The following PRPF19 variants were observed in gnomAD, a reference collection of about 807,000 sequenced individuals.
PRPF19 encodes pre-mRNA-processing factor 19.
In PRPF19, 2 loss-of-function variants were observed where a neutral mutation model predicts 64.2. That is an observed-to-expected ratio of 0.03 (90% CI 0.01 to 0.10). PRPF19 has a LOEUF of 0.10. Ranked by LOEUF, PRPF19 falls within the 10% of genes least tolerant of loss-of-function variation. The pLI is 1.00. For synonymous variants in PRPF19, 226 were observed against 251.6 expected (o/e 0.90, Z 0.96); for missense variants, 314 against 650.0 (o/e 0.48, Z 5.62).
chr11:60,895,330 T>C (rs1385156211), intron 15 of PRPF19, among the ~76,000 whole-genome samples: 1 of 152,258 alleles, frequency 6.6e-6, no homozygotes, highest in Non-Finnish European at 1.5e-5. Context: ...CTTGTACTTT[T>C]CTGTTATGGA....
chr11:60,892,529 T>C (rs1165864665), intron 15 of PRPF19, among the ~76,000 whole-genome samples: 1 of 152,206 alleles, frequency 6.6e-6, no homozygotes, highest in Non-Finnish European at 1.5e-5. Flanking sequence ...GGCTCCATCG[T>C]ATATCAAGGA....
chr11:60,906,030 T>C (rs967674573), intron 1 of PRPF19, among the ~76,000 whole-genome samples: 3 of 152,266 alleles, frequency 2.0e-5, no homozygotes, highest in African/African-American at 7.2e-5. Context: ...AGGCGGACCC[T>C]GGACAAGACC....
intron 15 of PRPF19, among the ~76,000 whole-genome samples, chr11:60,893,883 C>T (rs961336165): frequency 1.3e-5 from 2 of 152,142 alleles, no homozygotes; most frequent in Non-Finnish European, 2.9e-5. Context: ...CGTGCCACTG[C>T]ACTCCAGCCT....
Position 60,902,395 on chromosome 11 carries a change from G to A in PRPF19, c.525+8C>T. 1 of 1,613,250 alleles carries A rather than the reference G, an allele frequency of 6.2e-7. No individual in the cohort carries two copies. Among genetic ancestry groups the A allele is most frequent in the Non-Finnish European group, 8.5e-7 (1 of 1,179,416 alleles). On this transcript the variant is annotated splice_region_variant and intron_variant, in intron 6 of 15. Transcript: ENST00000227524. The surrounding 1 kb of genome is among the most constrained non-coding windows in gnomAD (Gnocchi z 5.0). ...TCAGCACTCCCACCAGGTGAGAGCA[G>A]GACTTACCTTCTGAATAATCTCTGG...
At chr11:60,904,204 A>T (rs1468150251) in intron 1 of PRPF19, among the ~76,000 whole-genome samples, 2 of 152,242 alleles carry the variant, frequency 1.3e-5, no homozygotes, top group Non-Finnish European at 2.9e-5. Flanking sequence ...CTCTATGAAT[A>T]CAGTTTACTC....
chr11:60,896,164 A>G (rs1855918471), intron 15 of PRPF19, among the ~76,000 whole-genome samples: 1 of 152,224 alleles, frequency 6.6e-6, no homozygotes, highest in Non-Finnish European at 1.5e-5. Flanking sequence ...GCTAAGTGCA[A>G]TAAGACAAGG....
intron 15 of PRPF19, among the ~76,000 whole-genome samples, chr11:60,891,788 C>G (rs935941857): frequency 3.3e-5 from 5 of 152,146 alleles, no homozygotes; most frequent in African/African-American, 9.7e-5. Context: ...AACCAACTCC[C>G]CATTAAAAAG....
intron 15 of PRPF19, among the ~76,000 whole-genome samples, chr11:60,895,166 C>T (rs1218419103): frequency 6.6e-6 from 1 of 152,226 alleles, no homozygotes; most frequent in Non-Finnish European, 1.5e-5. Context: ...TGACTTCTCT[C>T]TAGCTGTGCA....
intron 10 of PRPF19, among the ~76,000 whole-genome samples, chr11:60,900,289 A>G (rs1055008463): frequency 6.6e-6 from 1 of 152,230 alleles, no homozygotes; most frequent in Non-Finnish European, 1.5e-5. Context: ...TCTGTAGTTT[A>G]TATTAGGAAC....
intron 10 of PRPF19, 70 bp downstream of exon 10, chr11:60,900,512 C>T (rs1855972318): frequency 1.4e-5 from 17 of 1,244,222 alleles, no homozygotes; most frequent in Non-Finnish European, 1.8e-5. Flanking sequence ...TTCACAGAGA[C>T]AGCAGCGGGG....
In PRPF19 at chr11:60,904,590, G is replaced by A. The variant is rs146113720; in HGVS notation, c.20-729C>T. On this transcript the variant is annotated intron_variant, in intron 1 of 15. Transcript: ENST00000227524. Reference sequence around the variant, plus strand: ...TTTTGGGTTCAATTAATTTGCAACAGTGACTCAAACAATTGTGGGAAACAC... The same window carrying A: ...TTTTGGGTTCAATTAATTTGCAACAATGACTCAAACAATTGTGGGAAACAC... 3.1e-3 allele frequency among the ~76,000 whole-genome samples: 473 copies of A among 152,304 alleles called. 2 individuals carry two copies. The highest frequency in any genetic ancestry group is 0.011 in the African/African-American group (454 of 41,540).
Position 60,898,418 on chromosome 11 carries a change from C to T in PRPF19, c.1140+123G>A. ...CCCCCCAGACCACACCATCATATCA[C>T]ACACGCACAGCCAGTGTCTCTCCAC... is the stretch of plus-strand genomic sequence containing the variant. On this transcript the variant is annotated intron_variant, in intron 13 of 15. Transcript: ENST00000227524. The surrounding 1 kb of genome is among the most constrained non-coding windows in gnomAD (Gnocchi z 4.6). 1 of 1,541,068 alleles carries T rather than the reference C, an allele frequency of 6.5e-7. No individual in the cohort carries two copies. The highest frequency in any genetic ancestry group is 8.8e-7 in the Non-Finnish European group (1 of 1,138,444).
At chr11:60,892,951 A>C (rs893264332) in intron 15 of PRPF19, among the ~76,000 whole-genome samples, 1 of 150,566 alleles carries the variant, frequency 6.6e-6, no homozygotes, top group Non-Finnish European at 1.5e-5. Flanking sequence ...AACTTGTGTC[A>C]CCACCACCCC....
At chr11:60,905,321 A>G (rs1004967866) in intron 1 of PRPF19, 2 of 152,246 alleles carry the variant, frequency 1.3e-5, no homozygotes, top group Admixed American at 1.3e-4. Flanking sequence ...AACGTAAAAG[A>G]GAGCTTCCCG....
At position 60,891,080 on chromosome 11, in the gene PRPF19, C is replaced by CCAAA; in HGVS notation, c.*85_*86insTTTG. 4.3e-5 allele frequency: 8 copies of CCAAA among 185,950 alleles called. No individual in the cohort carries two copies. Among genetic ancestry groups the CCAAA allele is most frequent in the South Asian group, 1.1e-4 (3 of 27,500 alleles). The allele number at this position is 185,950 out of a possible 1,614,324, so 11.5% of individuals were successfully genotyped here. On this transcript the variant is annotated 3_prime_UTR_variant, in exon 16 of 16. Transcript: ENST00000227524. ...CCCACCCCACAGAGCCCCCTCCCCC[C>CCAAA]ATAGATTCCCCCCACCCCCCCCCCC... is the stretch of plus-strand genomic sequence containing the variant.
At chr11:60,899,967 T>C (rs1855964196) in intron 10 of PRPF19, among the ~76,000 whole-genome samples, 1 of 152,220 alleles carries the variant, frequency 6.6e-6, no homozygotes, top group African/African-American at 2.4e-5. Flanking sequence ...AATTTAGTCA[T>C]GAAAAATTCA....
chr11:60,892,173 G>A (rs933642706), intron 15 of PRPF19, among the ~76,000 whole-genome samples: 6 of 152,158 alleles, frequency 3.9e-5, no homozygotes, highest in African/African-American at 1.2e-4. Flanking sequence ...GGAAAGTCAC[G>A]TACCCAGGGC....
At chr11:60,895,274 TC>T (rs573318209) in intron 15 of PRPF19, among the ~76,000 whole-genome samples, 2 of 152,374 alleles carry the variant, frequency 1.3e-5, no homozygotes, top group South Asian at 4.1e-4. Flanking sequence ...AGCTAGGTCT[TC>T]CGGATAACTT....
chr11:60,895,114 C>T (rs1855905083), intron 15 of PRPF19, among the ~76,000 whole-genome samples: 1 of 152,222 alleles, frequency 6.6e-6, no homozygotes, highest in Non-Finnish European at 1.5e-5. Flanking sequence ...TAGTCCCTAA[C>T]AAGGGAATCA....
Sources: allele counts gnomAD v4.1 joint callset (sites outside exome capture counted in the v4.1 genomes callset), GRCh38; gene constraint gnomAD v4.1.1; non-coding constraint Gnocchi (gnomAD v3.1); transcripts MANE v1.5; gene names NCBI Gene and HGNC (gene_info 2026-07-23, HGNC 2026-07-21).